NETO1: variants seen among roughly 807,000 people sequenced by gnomAD.
NETO1 encodes neuropilin and tolloid-like protein 1.
NETO1 carries 26 observed loss-of-function variants against 61.3 expected under a neutral mutation model. The observed-to-expected ratio is 0.42, with a 90% CI of 0.31 to 0.59. NETO1 has a LOEUF of 0.59. Ranked by LOEUF, NETO1 falls within the 20% of genes least tolerant of loss-of-function variation. The pLI is 0.12. For synonymous variants in NETO1, 225 were observed against 225.8 expected, an observed-to-expected ratio of 1.00 and a Z score of 0.03; for missense variants, 531 against 662.8, an observed-to-expected ratio of 0.80 and a Z score of 2.18.
At chr18:72,759,164 C>A (rs1243672902) in intron 7 of NETO1, among the ~76,000 whole-genome samples, 1 of 152,144 alleles carries the variant, frequency 6.6e-6, no homozygotes, top group African/African-American at 2.4e-5. Context: ...ACACTCCTGA[C>A]CTATCCGGCA....
chr18:72,828,810 A>G (rs2073478709), intron 4 of NETO1, among the ~76,000 whole-genome samples: 1 of 152,226 alleles, frequency 6.6e-6, no homozygotes, highest in Admixed American at 6.5e-5. Flanking sequence ...ACGAAAGCCA[A>G]CAGACAGTCA....
At chr18:72,821,438 TG>T (rs1181621214) in intron 4 of NETO1, among the ~76,000 whole-genome samples, 1 of 150,570 alleles carries the variant, frequency 6.6e-6, no homozygotes, top group Non-Finnish European at 1.5e-5. Context: ...TGGTGGCACA[TG>T]CCTATAATCC....
chr18:72,858,191 A>G (rs766845766), intron 4 of NETO1, among the ~76,000 whole-genome samples: 1 of 152,196 alleles, frequency 6.6e-6, no homozygotes, highest in Non-Finnish European at 1.5e-5. Flanking sequence ...TGGGCCAGGC[A>G]ACAACACAGG....
chr18:72,864,749 A>G (rs914838846), intron 3 of NETO1, 59 bp downstream of exon 3: 4 of 1,609,580 alleles, frequency 2.5e-6, no homozygotes, highest in East Asian at 2.2e-5. Flanking sequence ...CATCCAAAGC[A>G]CAGAGATGGC....
At chr18:72,852,266 G>GT (rs2145584255) in intron 4 of NETO1, among the ~76,000 whole-genome samples, 1 of 152,308 alleles carries the variant, frequency 6.6e-6, no homozygotes, top group African/African-American at 2.4e-5. Context: ...CCAGGCTGGA[G>GT]TGCAATGGCA....
At chr18:72,845,947 C>T (rs185050063) in intron 4 of NETO1, among the ~76,000 whole-genome samples, 73 of 150,180 alleles carry the variant, frequency 4.9e-4, no homozygotes, top group Admixed American at 3.8e-3. Flanking sequence ...AAAAGTCTAG[C>T]ACAATGAACA....
At chr18:72,751,333 C>G (rs2070609319) in intron 8 of NETO1, among the ~76,000 whole-genome samples, 1 of 152,174 alleles carries the variant, frequency 6.6e-6, no homozygotes, top group Non-Finnish European at 1.5e-5. Flanking sequence ...CAGTGAGAGT[C>G]TGTGGCATTT....
chr18:72,751,519 G>A (rs745781140), intron 8 of NETO1, among the ~76,000 whole-genome samples: 1 of 152,166 alleles, frequency 6.6e-6, no homozygotes, highest in African/African-American at 2.4e-5. Flanking sequence ...GGTCCATGTT[G>A]GACATGCTTC....
chr18:72,764,657 C>G (rs533461930), intron 7 of NETO1, among the ~76,000 whole-genome samples: 1 of 152,278 alleles, frequency 6.6e-6, no homozygotes, highest in East Asian at 1.9e-4. Flanking sequence ...ATTGAAATTC[C>G]TACTTAACGT....
At chr18:72,857,091 T>C (rs2074431179) in intron 4 of NETO1, among the ~76,000 whole-genome samples, 1 of 152,184 alleles carries the variant, frequency 6.6e-6, no homozygotes, top group Non-Finnish European at 1.5e-5. Context: ...GTCATGTAAG[T>C]TTTCCAAGTC....
intron 4 of NETO1, among the ~76,000 whole-genome samples, chr18:72,833,687 C>A (rs924993688): frequency 1.3e-5 from 2 of 152,056 alleles, no homozygotes; most frequent in African/African-American, 2.4e-5. Flanking sequence ...GGGGTGAGAA[C>A]CAGAAGAGGA....
intron 4 of NETO1, among the ~76,000 whole-genome samples, chr18:72,854,238 G>A (rs536930774): frequency 2.0e-5 from 3 of 152,174 alleles, no homozygotes; most frequent in South Asian, 2.1e-4. Flanking sequence ...ACAAAATATC[G>A]TAATAATTTC....
intron 1 of NETO1, 66 bp downstream of exon 1, chr18:72,867,198 G>A: frequency 2.4e-6 from 3 of 1,273,412 alleles, no homozygotes; most frequent in Non-Finnish European, 2.1e-6. Context: ...CTGCGCGTTC[G>A]GCCCCGGGAA....
At chr18:72,798,282 C>T (rs1343245228) in intron 4 of NETO1, among the ~76,000 whole-genome samples, 2 of 152,176 alleles carry the variant, frequency 1.3e-5, no homozygotes, top group African/African-American at 4.8e-5. Flanking sequence ...GCGAACTGTG[C>T]ATGCGAGGGA....
chr18:72,840,807 G>A (rs924138193), intron 4 of NETO1, among the ~76,000 whole-genome samples: 3 of 152,160 alleles, frequency 2.0e-5, no homozygotes, highest in Non-Finnish European at 4.4e-5. Context: ...TAGAGTGACT[G>A]ATATTAGAAA....
chr18:72,801,410 C>T (rs952321884), intron 4 of NETO1, among the ~76,000 whole-genome samples: 2 of 152,140 alleles, frequency 1.3e-5, no homozygotes, highest in African/African-American at 4.8e-5. Flanking sequence ...TTTTTGCATT[C>T]TCATTTTCTC....
At chr18:72,773,058 T>A (rs369892009) in intron 7 of NETO1, among the ~76,000 whole-genome samples, 27 of 151,934 alleles carry the variant, frequency 1.8e-4, no homozygotes, top group African/African-American at 6.0e-4. Flanking sequence ...TTACTAATTC[T>A]GTTTCCCACC....
rs1189513014 is a variant in NETO1, at chr18:72,865,219, G to A, written c.51C>T (p.Leu17=). The change falls in exon 2 of 11, where the codon CTC becomes CTT. Residue 17 remains leucine (L), a synonymous_variant. Coordinates refer to ENST00000327305, the MANE Select transcript of NETO1 (RefSeq NM_138966.5). ...VLHIVASLII[L]HLSGATKKGT... ...CTTTCTTGGTTGCCCCAGACAAATG[G>A]AGGATGATTAAACTTGCTACAACTG... The A allele has an allele frequency of 6.2e-7, 1 of 1,613,110 alleles. No individual in the cohort carries two copies. The highest frequency in any genetic ancestry group is 1.3e-5 in the African/African-American group (1 of 74,858).
intron 4 of NETO1, among the ~76,000 whole-genome samples, chr18:72,801,925 T>C (rs924305047): frequency 6.6e-6 from 1 of 152,150 alleles, no homozygotes; most frequent in Non-Finnish European, 1.5e-5. Context: ...AGTCACACCA[T>C]CTATTTCTAA....
Sources: allele counts gnomAD v4.1 joint callset (sites outside exome capture counted in the v4.1 genomes callset), GRCh38; gene constraint gnomAD v4.1.1; transcripts MANE v1.5; gene names NCBI Gene and HGNC (gene_info 2026-07-23, HGNC 2026-07-21).